The following SYNDIG1L variants were observed in gnomAD, a reference collection of about 807,000 sequenced individuals.
The protein encoded by SYNDIG1L is synapse differentiation-inducing gene protein 1-like.
A neutral mutation model predicts 20.1 loss-of-function variants in SYNDIG1L; 13 were observed. The ratio of observed to expected loss-of-function variants is 0.65; its 90% CI spans 0.42 to 1.03. The LOEUF (loss-of-function observed/expected upper bound fraction) is 1.03, where lower values mean the gene tolerates loss of function less well. SYNDIG1L is among the 50% of genes least tolerant of loss of function. The pLI is 0.00. For missense variants in SYNDIG1L, 294 were observed against 305.1 expected, an observed-to-expected ratio of 0.96 and a Z score of 0.27; for synonymous variants, 128 against 129.3, an observed-to-expected ratio of 0.99 and a Z score of 0.07.
the SYNDIG1L span, among the ~76,000 whole-genome samples, chr14:74,439,568 ATAT>A: frequency 6.6e-6 from 1 of 152,176 alleles, no homozygotes; most frequent in Admixed American, 6.5e-5. Context: ...CATTTACAAT[ATAT>A]TGTTCAGCTT....
At chr14:74,453,415 T>G in the SYNDIG1L span, among the ~76,000 whole-genome samples, 3 of 141,078 alleles carry the variant, frequency 2.1e-5, no homozygotes, top group African/African-American at 7.8e-5. Flanking sequence ...ATCAGTTGTT[T>G]GGGCAGGGAG....
At chr14:74,433,237 T>C in the SYNDIG1L span, among the ~76,000 whole-genome samples, 5 of 152,308 alleles carry the variant, frequency 3.3e-5, no homozygotes, top group Admixed American at 6.5e-5. Context: ...AATACATGTT[T>C]GCTCTTTTTT....
chr14:74,460,985 C>T, the SYNDIG1L span, among the ~76,000 whole-genome samples: 1 of 151,734 alleles, frequency 6.6e-6, no homozygotes, highest in Non-Finnish European at 1.5e-5. Context: ...GCCTCATCTC[C>T]GTGGCCCCCT....
At chr14:74,459,308 G>T in the SYNDIG1L span, among the ~76,000 whole-genome samples, 1 of 152,120 alleles carries the variant, frequency 6.6e-6, no homozygotes, top group South Asian at 2.1e-4. Flanking sequence ...TTGAGCCCAG[G>T]ACTTTGAGCA....
upstream of SYNDIG1L, among the ~76,000 whole-genome samples, chr14:74,429,195 T>TAGCA (rs1254721745): frequency 6.6e-6 from 1 of 152,062 alleles, no homozygotes; most frequent in African/African-American, 2.4e-5. Flanking sequence ...CACCTGGAGG[T>TAGCA]AGCAAGCATC....
rs951667427 is a variant in SYNDIG1L, at chr14:74,409,650, C to A, written c.95G>T (p.Trp32Leu). 2 of 1,494,632 alleles carry A rather than the reference C, an allele frequency of 1.3e-6. No individual in the cohort carries two copies. Among genetic ancestry groups the A allele is most frequent in the African/African-American group, 1.4e-5 (1 of 70,840 alleles). 92.6% of individuals were successfully genotyped at this position (1,494,632 alleles called of 1,614,324 possible). Residue 32 changes from tryptophan (W) to leucine (L), a missense_variant, in exon 2 of 4, where the codon TGG (tryptophan) becomes TTG (leucine). Coordinates refer to ENST00000331628, the MANE Select transcript of SYNDIG1L (RefSeq NM_001105579.2). ...PYPYPETPPS[W>L]SCQEKLYSYL... ...GGAGTAGAGCTTTTCCTGGCAGGAC[C>A]AGCTGGGTGGGGTCTCCGGGTAGGG...
the SYNDIG1L span, among the ~76,000 whole-genome samples, chr14:74,433,847 C>G: frequency 2.6e-5 from 4 of 152,298 alleles, no homozygotes; most frequent in African/African-American, 9.6e-5. Flanking sequence ...CACTCTTAAC[C>G]TTAATACCAT....
At chr14:74,427,853 G>A (rs2086278040), upstream of SYNDIG1L, among the ~76,000 whole-genome samples, 2 of 152,092 alleles carry the variant, frequency 1.3e-5, no homozygotes, top group Admixed American at 1.3e-4. Context: ...GCTTTCTCTG[G>A]CCTTCCTCTC....
At chr14:74,415,422 C>G (rs371955411) in intron 1 of SYNDIG1L, among the ~76,000 whole-genome samples, 3 of 152,076 alleles carry the variant, frequency 2.0e-5, no homozygotes, top group Admixed American at 6.6e-5. Context: ...TAACAAGTTC[C>G]CAGGTAATGT....
chr14:74,459,451 T>C, the SYNDIG1L span, among the ~76,000 whole-genome samples: 2 of 151,964 alleles, frequency 1.3e-5, no homozygotes, highest in South Asian at 4.2e-4. Flanking sequence ...TTGCAGTGAG[T>C]CCAGATTGTG....
the SYNDIG1L span, among the ~76,000 whole-genome samples, chr14:74,432,180 T>TGAGTGTGTGA: frequency 8.1e-6 from 1 of 124,072 alleles, no homozygotes; most frequent in Non-Finnish European, 1.6e-5. Flanking sequence ...TGTGTGTGTG[T>TGAGTGTGTGA]GAGAGAGAGA....
At chr14:74,422,686 CTCT>C (rs1175775921) in intron 1 of SYNDIG1L, among the ~76,000 whole-genome samples, 6 of 149,776 alleles carry the variant, frequency 4.0e-5, no homozygotes, top group African/African-American at 1.5e-4. Flanking sequence ...CACACAATTT[CTCT>C]TTTTTTTCTT....
chr14:74,474,016 CTCA>C, the SYNDIG1L span: 1 of 152,206 alleles, frequency 6.6e-6, no homozygotes, highest in Non-Finnish European at 1.5e-5. Context: ...GCCCAGACAG[CTCA>C]TCAAGCCAAT....
At chr14:74,472,962 T>TA in the SYNDIG1L span, among the ~76,000 whole-genome samples, 1 of 152,052 alleles carries the variant, frequency 6.6e-6, no homozygotes, top group Non-Finnish European at 1.5e-5. Context: ...GACAGCTGGG[T>TA]ATACACTAGG....
intron 1 of SYNDIG1L, among the ~76,000 whole-genome samples, chr14:74,414,838 A>C (rs980052566): frequency 1.3e-5 from 2 of 152,184 alleles, no homozygotes; most frequent in African/African-American, 2.4e-5. Flanking sequence ...ATGTCACGCC[A>C]AACCGCCAAT....
At chr14:74,480,003 G>A in the SYNDIG1L span, 2,475 of 1,421,790 alleles carry the variant, frequency 1.7e-3, 44 homozygotes, top group Admixed American at 0.033. Flanking sequence ...GTAGAAAGAG[G>A]CCACAAGTTA....
chr14:74,468,452 T>TCCTACCTC, the SYNDIG1L span, among the ~76,000 whole-genome samples: 1 of 151,910 alleles, frequency 6.6e-6, no homozygotes, highest in Non-Finnish European at 1.5e-5. Context: ...CCCTTTACCT[T>TCCTACCTC]CCTACCTCCC....
intron 1 of SYNDIG1L, among the ~76,000 whole-genome samples, chr14:74,422,098 C>T (rs1037221981): frequency 4.6e-5 from 7 of 152,298 alleles, no homozygotes; most frequent in African/African-American, 9.6e-5. Context: ...CCTGTCTCTC[C>T]GCTGAAGCAG....
At chr14:74,447,311 C>CA in the SYNDIG1L span, among the ~76,000 whole-genome samples, 897 of 152,174 alleles carry the variant, frequency 5.9e-3, 26 homozygotes, top group Admixed American at 0.044. Flanking sequence ...CATAGCCCCC[C>CA]AAAAATTACA....
Sources: allele counts gnomAD v4.1 joint callset (sites outside exome capture counted in the v4.1 genomes callset), GRCh38; gene constraint gnomAD v4.1.1; transcripts MANE v1.5; gene names NCBI Gene and HGNC (gene_info 2026-07-23, HGNC 2026-07-21).